The following DERA variants were observed in gnomAD, a reference collection of about 807,000 sequenced individuals.
DERA encodes the protein 2-deoxy-D-ribose 5-phosphate aldolase.
In DERA, 15 loss-of-function variants were observed where a neutral mutation model predicts 41.1. That is an observed-to-expected ratio of 0.37 (90% CI 0.24 to 0.56). The LOEUF (loss-of-function observed/expected upper bound fraction) is 0.56. Among genes scored for constraint, DERA ranks in the 20% least tolerant of loss-of-function variants. DERA has a pLI of 0.81. For synonymous variants in DERA, 139 were observed against 137.4 expected (o/e 1.01, Z -0.08); for missense variants, 396 against 403.4 (o/e 0.98, Z 0.16).
chr12:15,993,644 C>T lies in DERA; in HGVS notation c.637+11208C>T, dbSNP rs1948817252. Reference sequence around the variant, plus strand: ...AAGATTTAAAGTGTACATTTATTTACAGTTCCTTAAACTAGCCCTGGAAAT... The same window carrying T: ...AAGATTTAAAGTGTACATTTATTTATAGTTCCTTAAACTAGCCCTGGAAAT... On this transcript the variant is annotated intron_variant, in intron 6 of 8. Coordinates refer to ENST00000428559, the MANE Select transcript of DERA (RefSeq NM_015954.4). This position sits in a 1 kb window ranked among gnomAD's most constrained non-coding sequence, Gnocchi z 4.4. Among the ~76,000 whole-genome samples, 1 of 152,144 alleles carries T rather than the reference C, an allele frequency of 6.6e-6. No individual in the cohort carries two copies. Among genetic ancestry groups the T allele is most frequent in the Non-Finnish European group, 1.5e-5 (1 of 68,010 alleles).
In DERA at chr12:15,954,772, G is replaced by T. The variant is rs74750094; in HGVS notation, c.32-2164G>T. ...GTGGCGACAGTAGTGGTAGTGGTGCGTTGGGAGTAGAGAATGGGAAGGACT... is the reference window on the plus strand; with the variant it reads ...GTGGCGACAGTAGTGGTAGTGGTGCTTTGGGAGTAGAGAATGGGAAGGACT... On this transcript the variant is annotated intron_variant, in intron 1 of 8. Transcript: ENST00000428559. This position sits in a 1 kb window ranked among gnomAD's most constrained non-coding sequence, Gnocchi z 4.0. Among the ~76,000 whole-genome samples the T allele has an allele frequency of 2.6e-5, 4 of 152,152 alleles. No homozygotes were observed. Among genetic ancestry groups the T allele is most frequent in the Non-Finnish European group, 5.9e-5 (4 of 68,038 alleles).
At chr12:15,932,326 A>T (rs572910346) in intron 1 of DERA, among the ~76,000 whole-genome samples, 11 of 152,274 alleles carry the variant, frequency 7.2e-5, no homozygotes, top group African/African-American at 2.4e-4. Flanking sequence ...AGAATGTATG[A>T]ACCCATATGA....
At chr12:15,939,858 A>G (rs1252811881) in intron 1 of DERA, among the ~76,000 whole-genome samples, 1 of 152,212 alleles carries the variant, frequency 6.6e-6, no homozygotes, top group African/African-American at 2.4e-5. Context: ...CACCTTTTTC[A>G]CAAAGATCAG....
chr12:15,971,326 T>A (rs1463678077), intron 5 of DERA, among the ~76,000 whole-genome samples: 1 of 152,152 alleles, frequency 6.6e-6, no homozygotes, highest in African/African-American at 2.4e-5. Flanking sequence ...ATCTATCAGG[T>A]AAACTGCTGG....
chr12:15,956,812 A>T, intron 1 of DERA, 124 bp from the exon 2 acceptor site: 1 of 797,208 alleles, frequency 1.3e-6, no homozygotes, highest in Non-Finnish European at 2.2e-6. Context: ...CAAAAAAGAA[A>T]TATAAGCTTT....
chr12:15,922,496 A>G lies in DERA; in HGVS notation c.31+11082A>G, dbSNP rs1176567101. 6.6e-6 allele frequency among the ~76,000 whole-genome samples: 1 copy of G among 152,214 alleles called. No homozygotes were observed. Among genetic ancestry groups the G allele is most frequent in the East Asian group, 1.9e-4 (1 of 5,200 alleles). On this transcript the variant is annotated intron_variant, in intron 1 of 8. Transcript: ENST00000428559. This position sits in a 1 kb window ranked among gnomAD's most constrained non-coding sequence, Gnocchi z 4.9. Reference sequence around the variant, plus strand: ...ACTACTAATATAGAGAAATTTTGGGACACAGTGATTAGCATGTAGAGTCTA... The same window carrying G: ...ACTACTAATATAGAGAAATTTTGGGGCACAGTGATTAGCATGTAGAGTCTA...
At chr12:16,018,038 C>T (rs1283490061) in intron 6 of DERA, among the ~76,000 whole-genome samples, 1 of 152,116 alleles carries the variant, frequency 6.6e-6, no homozygotes, top group Non-Finnish European at 1.5e-5. Flanking sequence ...CTAGTAACTT[C>T]CTATAACATA....
intron 7 of DERA, chr12:16,032,864 G>A: frequency 2.0e-6 from 1 of 506,076 alleles, no homozygotes; most frequent in South Asian, 2.3e-5. Context: ...GTGGGAGTGA[G>A]TATGTGTGAT....
chr12:16,033,550 A>AT lies in DERA; in HGVS notation c.750+907dup, dbSNP rs928416064. Among the ~76,000 whole-genome samples, 377 of 127,914 alleles carry AT rather than the reference A, an allele frequency of 2.9e-3. 1 individual carries two copies. Among genetic ancestry groups the AT allele is most frequent in the African/African-American group, 9.9e-3 (340 of 34,438 alleles). The allele number at this position is 127,914 out of a possible 152,430, so 83.9% of individuals were successfully genotyped here. A position where few individuals can be genotyped will look rare whatever the true frequency, so the allele number is the denominator to read the frequency against. ...GTTTAGCTGCAAATTATCTCAAAGG[A>AT]TTTTTTTTTTTACATGATTGGAGAG... On this transcript the variant is annotated intron_variant, in intron 7 of 8. Coordinates refer to ENST00000428559, the MANE Select transcript of DERA (RefSeq NM_015954.4).
chr12:15,993,359 G>A lies in DERA; in HGVS notation c.637+10923G>A, dbSNP rs923087381. 4.0e-5 allele frequency among the ~76,000 whole-genome samples: 6 copies of A among 151,748 alleles called. No homozygotes were observed. The highest frequency in any genetic ancestry group is 1.9e-4 in the East Asian group (1 of 5,180). On this transcript the variant is annotated intron_variant, in intron 6 of 8. Transcript: ENST00000428559. The surrounding 1 kb of genome is among the most constrained non-coding windows in gnomAD (Gnocchi z 4.4). The stretch of plus-strand genomic sequence containing the variant: ...AAATAGTAAAGTAAATGACAATGTC[G>A]ATTTATTTTTCTAAAGATTGTCACA...
intron 1 of DERA, among the ~76,000 whole-genome samples, chr12:15,955,893 A>G (rs964675336): frequency 1.3e-5 from 2 of 152,194 alleles, no homozygotes; most frequent in Non-Finnish European, 2.9e-5. Context: ...CTTTTTTTCC[A>G]CAGTACTCTT....
At chr12:15,920,966 A>G (rs988321701) in intron 1 of DERA, among the ~76,000 whole-genome samples, 1 of 152,264 alleles carries the variant, frequency 6.6e-6, no homozygotes, top group African/African-American at 2.4e-5. Flanking sequence ...CCATGCAGTA[A>G]GCTGTGGAGT....
Position 15,970,837 on chromosome 12 carries a change from A to G in DERA, c.508+7890A>G, listed in dbSNP as rs569694447. Among the ~76,000 whole-genome samples the G allele has an allele frequency of 6.6e-6, 1 of 152,240 alleles. No homozygotes were observed. The highest frequency in any genetic ancestry group is 1.5e-5 in the Non-Finnish European group (1 of 68,038). On this transcript the variant is annotated intron_variant, in intron 5 of 8. Transcript: ENST00000428559. The surrounding 1 kb of genome is among the most constrained non-coding windows in gnomAD (Gnocchi z 4.3). ...TTTAAATTCAGATTCCATTCCACCA[A>G]AGCAACATGAAAAAACCTAATGTCT...
intron 5 of DERA, among the ~76,000 whole-genome samples, chr12:15,964,634 G>A (rs996185427): frequency 6.6e-6 from 1 of 152,166 alleles, no homozygotes; most frequent in African/African-American, 2.4e-5. Flanking sequence ...AGTAAGCGTA[G>A]TATTTAAAAC....
In DERA at chr12:15,983,300, G is replaced by A. The variant is rs1000727881; in HGVS notation, c.637+864G>A. Among the ~76,000 whole-genome samples the A allele has an allele frequency of 4.6e-5, 7 of 151,946 alleles. No individual in the cohort carries two copies. The highest frequency in any genetic ancestry group is 8.8e-5 in the Non-Finnish European group (6 of 68,000). On this transcript the variant is annotated intron_variant, in intron 6 of 8. Coordinates refer to ENST00000428559, the MANE Select transcript of DERA (RefSeq NM_015954.4). The surrounding 1 kb of genome is among the most constrained non-coding windows in gnomAD (Gnocchi z 6.2). ...ATTCCTTGATTCTTATTTTAAAAAG[G>A]TCCTTCCTAAGACCCTGGCTGTGCC...
In DERA at chr12:15,924,950, T is replaced by C. The variant is rs1442389956; in HGVS notation, c.31+13536T>C. Among the ~76,000 whole-genome samples, 1 of 152,226 alleles carries C rather than the reference T, an allele frequency of 6.6e-6. No individual in the cohort carries two copies. The highest frequency in any genetic ancestry group is 2.4e-5 in the African/African-American group (1 of 41,454). On this transcript the variant is annotated intron_variant, in intron 1 of 8. Transcript: ENST00000428559. This position sits in a 1 kb window ranked among gnomAD's most constrained non-coding sequence, Gnocchi z 5.0. The stretch of plus-strand genomic sequence containing the variant: ...GGCGTCTGTATCACTTATGTCACCT[T>C]GAACAGTACTTTTCATAATGTGAAG...
chr12:15,912,443 T>A (rs1948171676), intron 1 of DERA, among the ~76,000 whole-genome samples: 1 of 152,204 alleles, frequency 6.6e-6, no homozygotes, highest in Non-Finnish European at 1.5e-5. Context: ...CAAGAGAAGG[T>A]TTAAGCGTCT....
intron 1 of DERA, among the ~76,000 whole-genome samples, chr12:15,929,804 G>T (rs1345873974): frequency 6.6e-6 from 1 of 152,160 alleles, no homozygotes; most frequent in Non-Finnish European, 1.5e-5. Context: ...GCTCACTTCA[G>T]TTTCGAAGGA....
intron 1 of DERA, among the ~76,000 whole-genome samples, chr12:15,953,738 A>G (rs1312939885): frequency 6.6e-6 from 1 of 152,224 alleles, no homozygotes; most frequent in Non-Finnish European, 1.5e-5. Flanking sequence ...GCTAAAGGGT[A>G]CTTGAATAAA....
Sources: allele counts gnomAD v4.1 joint callset (sites outside exome capture counted in the v4.1 genomes callset), GRCh38; gene constraint gnomAD v4.1.1; non-coding constraint Gnocchi (gnomAD v3.1); transcripts MANE v1.5; gene names NCBI Gene and HGNC (gene_info 2026-07-23, HGNC 2026-07-21).